TSPAN5: variants seen among roughly 807,000 people sequenced by gnomAD.
TSPAN5 encodes the protein tetraspanin-5.
Under a neutral mutation model 37.1 loss-of-function variants are expected in TSPAN5, and 10 were observed. That is an observed-to-expected ratio of 0.27 (90% CI 0.17 to 0.46). The LOEUF is 0.46. TSPAN5 is among the 20% of genes least tolerant of loss of function. TSPAN5 has a pLI of 1.00. For missense variants in TSPAN5, 195 were observed against 326.6 expected (o/e 0.60, Z 3.11); for synonymous variants, 110 against 118.9 (o/e 0.93, Z 0.48).
At chr4:98,645,672 A>T (rs180799204) in intron 1 of TSPAN5, among the ~76,000 whole-genome samples, 11 of 152,280 alleles carry the variant, frequency 7.2e-5, no homozygotes, top group African/African-American at 2.2e-4. Flanking sequence ...CTAACTCCTG[A>T]TCCTCGCTGA....
chr4:98,527,894 G>A (rs556215379), intron 1 of TSPAN5, among the ~76,000 whole-genome samples: 1 of 152,166 alleles, frequency 6.6e-6, no homozygotes, highest in Non-Finnish European at 1.5e-5. Context: ...CTAATTTAAA[G>A]AGGAAAAAAG....
intron 1 of TSPAN5, among the ~76,000 whole-genome samples, chr4:98,617,148 T>TA (rs1337166886): frequency 6.6e-6 from 1 of 152,156 alleles, no homozygotes; most frequent in Non-Finnish European, 1.5e-5. Context: ...AGAAAGGGTG[T>TA]AGGTGTCACT....
chr4:98,640,922 C>A (rs2110277316), intron 1 of TSPAN5, among the ~76,000 whole-genome samples: 1 of 151,980 alleles, frequency 6.6e-6, no homozygotes, highest in African/African-American at 2.4e-5. Context: ...GGAATCTTCA[C>A]AATGATCCTA....
intron 1 of TSPAN5, among the ~76,000 whole-genome samples, chr4:98,508,693 T>C (rs546893322): frequency 5.3e-5 from 8 of 152,030 alleles, no homozygotes; most frequent in Admixed American, 5.2e-4. Flanking sequence ...CCTGGCTAAT[T>C]TTTCAATTAT....
chr4:98,637,762 T>C (rs1756887188), intron 1 of TSPAN5, among the ~76,000 whole-genome samples: 1 of 152,244 alleles, frequency 6.6e-6, no homozygotes, highest in Admixed American at 6.5e-5. Flanking sequence ...ACTGCATAAC[T>C]TAATTATAAA....
At chr4:98,642,429 A>T (rs1049136684) in intron 1 of TSPAN5, among the ~76,000 whole-genome samples, 7 of 151,996 alleles carry the variant, frequency 4.6e-5, no homozygotes, top group South Asian at 2.1e-4. Context: ...TAACCACAAA[A>T]TTTTTTTTCT....
intron 1 of TSPAN5, among the ~76,000 whole-genome samples, chr4:98,562,019 T>C (rs2110169742): frequency 6.6e-6 from 1 of 152,280 alleles, no homozygotes; most frequent in East Asian, 1.9e-4. Flanking sequence ...AAAAGTAGGC[T>C]CCATGATGGC....
At chr4:98,624,361 G>C (rs1453958961) in intron 1 of TSPAN5, among the ~76,000 whole-genome samples, 4 of 151,952 alleles carry the variant, frequency 2.6e-5, no homozygotes. Flanking sequence ...TTATTGCCAA[G>C]TACAGACTAA....
intron 1 of TSPAN5, among the ~76,000 whole-genome samples, chr4:98,574,299 AG>A (rs1755187270): frequency 6.6e-6 from 1 of 152,200 alleles, no homozygotes; most frequent in African/African-American, 2.4e-5. Context: ...GTTGATGGGC[AG>A]GGTTCCTCGT....
At chr4:98,526,989 C>T (rs1207999072) in intron 1 of TSPAN5, among the ~76,000 whole-genome samples, 4 of 152,174 alleles carry the variant, frequency 2.6e-5, no homozygotes, top group Non-Finnish European at 5.9e-5. Context: ...GATTCCAAGG[C>T]AGCATCTAAA....
intron 1 of TSPAN5, among the ~76,000 whole-genome samples, chr4:98,546,169 G>C (rs1754465543): frequency 6.6e-6 from 1 of 152,192 alleles, no homozygotes; most frequent in Non-Finnish European, 1.5e-5. Flanking sequence ...CCCAACACCA[G>C]AGCAGGTGGT....
chr4:98,651,864 CTTTTTTT>C lies in TSPAN5; in HGVS notation c.81+6275_81+6281del, dbSNP rs552597633. On this transcript the variant is annotated intron_variant, in intron 1 of 7. Transcript: ENST00000305798. Reference sequence around the variant, plus strand: ...TTTTGTAATTCTTTCCTTCAACATACTTTTTTTTTTTTTTTTTTTTTTTTTTGAGACA... The same window carrying C: ...TTTTGTAATTCTTTCCTTCAACATACTTTTTTTTTTTTTTTTTTTGAGACA... 6.0e-4 allele frequency among the ~76,000 whole-genome samples: 57 copies of C among 95,250 alleles called. 4 individuals carry two copies. Among genetic ancestry groups the C allele is most frequent in the South Asian group, 3.4e-4 (1 of 2,922 alleles). The allele number at this position is 95,250 out of a possible 152,430, so 62.5% of individuals were successfully genotyped here. A position where few individuals can be genotyped will look rare whatever the true frequency, so the allele number is the denominator to read the frequency against.
At chr4:98,644,492 T>A (rs1757021045) in intron 1 of TSPAN5, among the ~76,000 whole-genome samples, 1 of 152,068 alleles carries the variant, frequency 6.6e-6, no homozygotes, top group Admixed American at 6.5e-5. Context: ...ATTTTTGGAA[T>A]AAAAAAGCAC....
intron 1 of TSPAN5, among the ~76,000 whole-genome samples, chr4:98,625,421 C>G (rs542945787): frequency 3.3e-5 from 5 of 152,272 alleles, no homozygotes; most frequent in Admixed American, 2.6e-4. Flanking sequence ...TGAAACTGAC[C>G]AAGATTTTAC....
intron 1 of TSPAN5, among the ~76,000 whole-genome samples, chr4:98,533,414 T>TG: frequency 6.6e-6 from 1 of 151,936 alleles, no homozygotes; most frequent in Non-Finnish European, 1.5e-5. Context: ...TTTAGACTTG[T>TG]GGGGGGTGTT....
Position 98,556,020 on chromosome 4 carries a change from A to AC in TSPAN5, c.82-48293dup, listed in dbSNP as rs572171347. Among the ~76,000 whole-genome samples the AC allele has an allele frequency of 4.5e-3, 406 of 90,990 alleles. 18 individuals carry two copies. Among genetic ancestry groups the AC allele is most frequent in the African/African-American group, 0.016 (388 of 23,914 alleles). The allele number at this position is 90,990 out of a possible 152,430, so 59.7% of individuals were successfully genotyped here. A position where few individuals can be genotyped will look rare whatever the true frequency, so the allele number is the denominator to read the frequency against. On this transcript the variant is annotated intron_variant, in intron 1 of 7. Coordinates refer to ENST00000305798, the MANE Select transcript of TSPAN5 (RefSeq NM_005723.4). ...GCACACACACACGTGCACAGCACAC[A>AC]CCCCCACACACACAGCACCCCCACA...
At chr4:98,538,727 A>C (rs992416811) in intron 1 of TSPAN5, among the ~76,000 whole-genome samples, 1 of 152,240 alleles carries the variant, frequency 6.6e-6, no homozygotes, top group Non-Finnish European at 1.5e-5. Context: ...TGAAATATTT[A>C]TCAACATGTC....
intron 1 of TSPAN5, among the ~76,000 whole-genome samples, chr4:98,553,797 T>TGGC (rs1476311857): frequency 6.6e-6 from 1 of 152,210 alleles, no homozygotes; most frequent in Non-Finnish European, 1.5e-5. Context: ...CTGGGCACGG[T>TGGC]GGCTCACGCC....
intron 1 of TSPAN5, among the ~76,000 whole-genome samples, chr4:98,554,347 T>C (rs1321955388): frequency 1.3e-5 from 2 of 152,318 alleles, no homozygotes; most frequent in East Asian, 1.9e-4. Context: ...AACCTACTGA[T>C]TCCAAAGCCC....
Sources: allele counts gnomAD v4.1 joint callset (sites outside exome capture counted in the v4.1 genomes callset), GRCh38; gene constraint gnomAD v4.1.1; transcripts MANE v1.5; gene names NCBI Gene and HGNC (gene_info 2026-07-23, HGNC 2026-07-21).